The following CTTNBP2 variants were observed in gnomAD, a reference collection of about 807,000 sequenced individuals.
CTTNBP2 encodes cortactin binding protein 2.
CTTNBP2 carries 108 observed loss-of-function variants against 156.9 expected under a neutral mutation model. That is an observed-to-expected ratio of 0.69 (90% CI 0.59 to 0.81). The LOEUF (loss-of-function observed/expected upper bound fraction) is 0.81. CTTNBP2 is among the 30% of genes least tolerant of loss of function. The probability of loss-of-function intolerance (pLI) is 0.00; values close to 1 mark genes in which losing one functional copy is unlikely to be tolerated. For missense variants in CTTNBP2, 1,924 were observed against 2,035.4 expected, an observed-to-expected ratio of 0.95 and a Z score of 1.05; for synonymous variants, 767 against 751.8, an observed-to-expected ratio of 1.02 and a Z score of -0.33.
intron 17 of CTTNBP2, among the ~76,000 whole-genome samples, 176 bp from the exon 18 acceptor site, chr7:117,725,433 G>T (rs569908880): frequency 6.6e-6 from 1 of 152,328 alleles, no homozygotes; most frequent in Non-Finnish European, 1.5e-5. Flanking sequence ...AAAAGTGTTT[G>T]AATCTGCCTC....
At chr7:117,723,902 G>A (rs761945422) in intron 19 of CTTNBP2, among the ~76,000 whole-genome samples, 1 of 151,794 alleles carries the variant, frequency 6.6e-6, no homozygotes, top group Non-Finnish European at 1.5e-5. Context: ...ACAAGCATGC[G>A]CCACCATGCC....
At chr7:117,872,071 T>G (rs949910465) in intron 1 of CTTNBP2, 2 of 676,940 alleles carry the variant, frequency 3.0e-6, no homozygotes, top group African/African-American at 3.9e-5. Flanking sequence ...GAATGGAAAC[T>G]CAATTTTCCC....
At position 117,810,930 on chromosome 7, in the gene CTTNBP2, C is replaced by A. The variant is rs759604104; in HGVS notation, c.249G>T (p.Pro83=). Residue 83 remains proline (P), a synonymous_variant, in exon 3 of 23, where the codon CCG becomes CCT. Transcript: ENST00000160373. ...CATAGTCTCTCTGGAGTGCCAGGAA[C>A]GGGTCATTTAGATTAAATCTCCCAT... ...ERYGRFNLND[P]FLALQRDYEA... 1.2e-6 allele frequency: 2 copies of A among 1,614,026 alleles called. No homozygotes were observed. Among genetic ancestry groups the A allele is most frequent in the Admixed American group, 1.7e-5 (1 of 59,990 alleles).
At chr7:117,808,428 A>T (rs1262609794) in intron 3 of CTTNBP2, among the ~76,000 whole-genome samples, 3 of 152,172 alleles carry the variant, frequency 2.0e-5, no homozygotes, top group African/African-American at 7.2e-5. Flanking sequence ...CCATTTGCCA[A>T]ATTGACTCTT....
intron 5 of CTTNBP2, among the ~76,000 whole-genome samples, chr7:117,783,626 T>C (rs991305001): frequency 2.6e-5 from 4 of 152,244 alleles, no homozygotes; most frequent in African/African-American, 7.2e-5. Context: ...CTGAGGTCAC[T>C]AGAATCCTCC....
intron 2 of CTTNBP2, among the ~76,000 whole-genome samples, chr7:117,812,020 CT>C (rs1484076587): frequency 6.7e-6 from 1 of 150,282 alleles, no homozygotes; most frequent in African/African-American, 2.5e-5. Flanking sequence ...CTTCAAAAAA[CT>C]TTAAAAGGCA....
intron 16 of CTTNBP2, among the ~76,000 whole-genome samples, chr7:117,730,933 A>G (rs1054812660): frequency 4.6e-5 from 7 of 152,240 alleles, no homozygotes; most frequent in Non-Finnish European, 7.3e-5. Context: ...ATTTTTAAAT[A>G]CTTGAAATGT....
At chr7:117,849,663 C>G (rs768817567) in intron 2 of CTTNBP2, among the ~76,000 whole-genome samples, 1 of 152,136 alleles carries the variant, frequency 6.6e-6, no homozygotes, top group Non-Finnish European at 1.5e-5. Flanking sequence ...TGCTCTGGCT[C>G]TTTCTGATCA....
intron 8 of CTTNBP2, among the ~76,000 whole-genome samples, chr7:117,773,155 C>A (rs1162801645): frequency 6.6e-6 from 1 of 152,192 alleles, no homozygotes; most frequent in Non-Finnish European, 1.5e-5. Flanking sequence ...CTAATGTTCT[C>A]TCTTCTGAAC....
chr7:117,798,649 C>A (rs1392481004), intron 3 of CTTNBP2, among the ~76,000 whole-genome samples: 1 of 152,030 alleles, frequency 6.6e-6, no homozygotes, highest in Non-Finnish European at 1.5e-5. Context: ...TGCCTCAAAT[C>A]AATCATCCTA....
chr7:117,754,690 T>C (rs562528917), intron 12 of CTTNBP2, among the ~76,000 whole-genome samples: 45 of 152,362 alleles, frequency 3.0e-4, no homozygotes, highest in Middle Eastern at 3.4e-3. Context: ...TTTTATTATA[T>C]TCATTCAAGA....
intron 3 of CTTNBP2, among the ~76,000 whole-genome samples, chr7:117,793,913 A>G (rs899968141): frequency 6.6e-6 from 1 of 152,160 alleles, no homozygotes; most frequent in African/African-American, 2.4e-5. Flanking sequence ...CACCTTTACA[A>G]TGAGGCCTTC....
At chr7:117,854,976 G>C (rs1803194519) in intron 2 of CTTNBP2, among the ~76,000 whole-genome samples, 1 of 151,954 alleles carries the variant, frequency 6.6e-6, no homozygotes, top group African/African-American at 2.4e-5. Context: ...GTAGAGATAG[G>C]GTTTCACCAT....
chr7:117,752,003 C>T lies in CTTNBP2; in HGVS notation c.3348+4552G>A, dbSNP rs565830109. ...CAGCTGCTTCCCACTTTCACTAGGA[C>T]CTCACCCAGGCTTGCTCCTCCCTTT... On this transcript the variant is annotated intron_variant, in intron 12 of 22. Transcript: ENST00000160373. 9.8e-5 allele frequency among the ~76,000 whole-genome samples: 15 copies of T among 152,328 alleles called. No homozygotes were observed. The South Asian group carries it at 2.9e-3, about 29-fold the overall frequency.
At chr7:117,773,269 TC>T (rs1409787109) in intron 8 of CTTNBP2, among the ~76,000 whole-genome samples, 7 of 152,342 alleles carry the variant, frequency 4.6e-5, no homozygotes, top group Non-Finnish European at 8.8e-5. Flanking sequence ...TGTTGGGGCG[TC>T]ATGTGGACCT....
Position 117,861,210 on chromosome 7 carries a change from C to G in CTTNBP2, c.188G>C (p.Arg63Pro), listed in dbSNP as rs376703729. ...EARDLVIEAL[R>P]ARRKEVFIQE... ...GACCCACTCCTGTGTCGTCCTTACC[C>G]GCAGGGCCTCGATGACAAGGTCTCT... Residue 63 changes from arginine (R) to proline (P), a missense_variant and splice_region_variant, in exon 2 of 23, where the codon CGG becomes CCG. Arg to Pro is a moderately radical substitution (Grantham distance 103). Coordinates refer to ENST00000160373, the MANE Select transcript of CTTNBP2 (RefSeq NM_033427.3). 1 of 1,606,718 alleles carries G rather than the reference C, an allele frequency of 6.2e-7. No homozygotes were observed. Among genetic ancestry groups the G allele is most frequent in the Non-Finnish European group, 8.5e-7 (1 of 1,174,182 alleles).
chr7:117,748,251 C>T (rs575491776), intron 12 of CTTNBP2, among the ~76,000 whole-genome samples: 3 of 152,210 alleles, frequency 2.0e-5, no homozygotes, highest in African/African-American at 4.8e-5. Flanking sequence ...GCCTGGGTGA[C>T]GTACAGATTG....
At chr7:117,802,634 T>C (rs1445187757) in intron 3 of CTTNBP2, among the ~76,000 whole-genome samples, 2 of 152,098 alleles carry the variant, frequency 1.3e-5, no homozygotes, top group African/African-American at 4.8e-5. Context: ...TCATAAACTA[T>C]GCATCTGACA....
intron 9 of CTTNBP2, 116 bp downstream of exon 9, chr7:117,766,943 A>C: frequency 1.5e-6 from 1 of 685,536 alleles, no homozygotes. Context: ...TGCCATAGCT[A>C]GGGCTCCAAA....
Sources: allele counts gnomAD v4.1 joint callset (sites outside exome capture counted in the v4.1 genomes callset), GRCh38; gene constraint gnomAD v4.1.1; transcripts MANE v1.5; gene names NCBI Gene and HGNC (gene_info 2026-07-23, HGNC 2026-07-21).